Variants in DRC11 observed in about 807,000 individuals in gnomAD.
DRC11 encodes IQ and AAA domain-containing protein 1.
chr2:236,503,176 G>A, the DRC11 span, among the ~76,000 whole-genome samples: 1 of 152,182 alleles, frequency 6.6e-6, no homozygotes, highest in East Asian at 1.9e-4. The surrounding 1 kb of genome is among the most constrained non-coding windows in gnomAD (Gnocchi z 4.9). Context: ...ACCCTGAAGA[G>A]GCTGCCTCCG....
the DRC11 span, among the ~76,000 whole-genome samples, chr2:236,499,248 C>G: frequency 6.6e-6 from 1 of 152,160 alleles, no homozygotes; most frequent in Non-Finnish European, 1.5e-5. The surrounding 1 kb of genome is among the most constrained non-coding windows in gnomAD (Gnocchi z 4.7). Context: ...CTAAATGTGG[C>G]CTATACAGAT....
At chr2:236,505,411 C>T in the DRC11 span, among the ~76,000 whole-genome samples, 1 of 152,112 alleles carries the variant, frequency 6.6e-6, no homozygotes, top group Non-Finnish European at 1.5e-5. Flanking sequence ...CCAAATACTC[C>T]CCCTGCCTTC....
the DRC11 span, chr2:236,419,177 T>C: frequency 6.5e-7 from 1 of 1,535,758 alleles, no homozygotes; most frequent in African/African-American, 1.4e-5. This position sits in a 1 kb window ranked among gnomAD's most constrained non-coding sequence, Gnocchi z 4.8. Flanking sequence ...TCCTTTCTTT[T>C]GTTTTTTGGC....
the DRC11 span, among the ~76,000 whole-genome samples, chr2:236,356,089 C>T: frequency 2.3e-4 from 35 of 152,220 alleles, 1 homozygote; most frequent in African/African-American, 7.5e-4. Context: ...GACACTGCCT[C>T]GGCCCCGTTC....
chr2:236,399,510 C>T, the DRC11 span: 20 of 1,606,976 alleles, frequency 1.2e-5, no homozygotes, highest in East Asian at 8.9e-5. The surrounding 1 kb of genome is among the most constrained non-coding windows in gnomAD (Gnocchi z 7.0). Context: ...AGAATATTTT[C>T]GTTAATCTCA....
chr2:236,441,170 CTT>C, the DRC11 span: 5,194 of 1,206,326 alleles, frequency 4.3e-3, 23 homozygotes, highest in Non-Finnish European at 4.4e-3. Context: ...GAAGTCCTCT[CTT>C]GTTATATACC....
At chr2:236,362,629 A>G in the DRC11 span, among the ~76,000 whole-genome samples, 1 of 152,224 alleles carries the variant, frequency 6.6e-6, no homozygotes, top group Admixed American at 6.5e-5. The surrounding 1 kb of genome is among the most constrained non-coding windows in gnomAD (Gnocchi z 5.7). Context: ...TAGGGAGTCA[A>G]AAGCTATACG....
At chr2:236,333,970 A>G in the DRC11 span, among the ~76,000 whole-genome samples, 1 of 152,148 alleles carries the variant, frequency 6.6e-6, no homozygotes, top group Non-Finnish European at 1.5e-5. The surrounding 1 kb of genome is among the most constrained non-coding windows in gnomAD (Gnocchi z 6.0). Context: ...CTGCCCATTT[A>G]AAGTGTAGGA....
the DRC11 span, among the ~76,000 whole-genome samples, chr2:236,333,628 C>T: frequency 6.6e-6 from 1 of 152,128 alleles, no homozygotes; most frequent in African/African-American, 2.4e-5. The surrounding 1 kb of genome is among the most constrained non-coding windows in gnomAD (Gnocchi z 6.0). Flanking sequence ...GAGCAAAATT[C>T]CTGCCGTGGT....
At chr2:236,428,902 T>C in the DRC11 span, among the ~76,000 whole-genome samples, 1 of 152,246 alleles carries the variant, frequency 6.6e-6, no homozygotes, top group Non-Finnish European at 1.5e-5. Flanking sequence ...TTATTTTGAA[T>C]TCTCTGTCAT....
chr2:236,504,343 G>A, the DRC11 span, among the ~76,000 whole-genome samples: 26 of 152,096 alleles, frequency 1.7e-4, no homozygotes, highest in Non-Finnish European at 2.9e-4. The surrounding 1 kb of genome is among the most constrained non-coding windows in gnomAD (Gnocchi z 5.0). Context: ...TTATCCATTC[G>A]CCAGCCCATT....
chr2:236,421,480 G>A, the DRC11 span, among the ~76,000 whole-genome samples: 8 of 151,998 alleles, frequency 5.3e-5, no homozygotes, highest in Non-Finnish European at 1.0e-4. Context: ...TAAATTCCTC[G>A]ATACATACAC....
chr2:236,429,148 G>T, the DRC11 span, among the ~76,000 whole-genome samples: 1 of 152,228 alleles, frequency 6.6e-6, no homozygotes, highest in African/African-American at 2.4e-5. The surrounding 1 kb of genome is among the most constrained non-coding windows in gnomAD (Gnocchi z 5.9). Flanking sequence ...ATCAGGTCTG[G>T]TGTTGTGAGG....
the DRC11 span, among the ~76,000 whole-genome samples, chr2:236,355,467 T>C: frequency 6.6e-6 from 1 of 152,198 alleles, no homozygotes; most frequent in African/African-American, 2.4e-5. Flanking sequence ...CCGCACGCAG[T>C]GGAAGGTGAG....
the DRC11 span, among the ~76,000 whole-genome samples, chr2:236,315,145 C>T: frequency 3.9e-5 from 6 of 152,184 alleles, no homozygotes; most frequent in African/African-American, 1.4e-4. The surrounding 1 kb of genome is among the most constrained non-coding windows in gnomAD (Gnocchi z 5.1). Context: ...TCTACATAAA[C>T]ACTTGTTTTC....
chr2:236,400,390 T>C, the DRC11 span, among the ~76,000 whole-genome samples: 1 of 152,140 alleles, frequency 6.6e-6, no homozygotes, highest in Non-Finnish European at 1.5e-5. This position sits in a 1 kb window ranked among gnomAD's most constrained non-coding sequence, Gnocchi z 7.9. Context: ...GCCCAGGCCA[T>C]AGCTCTGCTC....
chr2:236,491,161 ATATATATATATATATATATACACACAG>A, the DRC11 span, among the ~76,000 whole-genome samples: 6 of 51,478 alleles, frequency 1.2e-4, no homozygotes, highest in Admixed American at 1.8e-4. Context: ...TACACACAGT[ATATATATATATATATATATACACACAG>A]TATATATATA....
chr2:236,441,917 C>T, the DRC11 span, among the ~76,000 whole-genome samples: 1 of 152,078 alleles, frequency 6.6e-6, no homozygotes, highest in South Asian at 2.1e-4. Context: ...AGATGACTTA[C>T]AGCTATCAAT....
At chr2:236,463,571 G>A in the DRC11 span, among the ~76,000 whole-genome samples, 4 of 152,200 alleles carry the variant, frequency 2.6e-5, no homozygotes, top group East Asian at 5.8e-4. This position sits in a 1 kb window ranked among gnomAD's most constrained non-coding sequence, Gnocchi z 5.0. Flanking sequence ...GCAAACATTC[G>A]TAAAGAAACT....
Sources: allele counts gnomAD v4.1 joint callset (sites outside exome capture counted in the v4.1 genomes callset), GRCh38; gene constraint gnomAD v4.1.1; non-coding constraint Gnocchi (gnomAD v3.1); transcripts MANE v1.5; gene names NCBI Gene and HGNC (gene_info 2026-07-23, HGNC 2026-07-21).